RABGAP1L: variants seen among roughly 807,000 people sequenced by gnomAD.
The protein encoded by RABGAP1L is rab GTPase-activating protein 1-like.
In RABGAP1L, 63 loss-of-function variants were observed where a neutral mutation model predicts 137.7. The ratio of observed to expected loss-of-function variants is 0.46; its 90% CI spans 0.37 to 0.56. The LOEUF (loss-of-function observed/expected upper bound fraction) is 0.56. Among genes scored for constraint, RABGAP1L ranks in the 20% least tolerant of loss-of-function variants. The pLI is 0.00. For missense variants in RABGAP1L, 1,095 were observed against 1,244.0 expected (o/e 0.88, Z 1.80); for synonymous variants, 431 against 433.7 (o/e 0.99, Z 0.08).
chr1:174,516,301 A>G (rs1400696797), intron 13 of RABGAP1L, among the ~76,000 whole-genome samples: 2 of 152,128 alleles, frequency 1.3e-5, no homozygotes, highest in Non-Finnish European at 2.9e-5. Context: ...GACTATAGGC[A>G]TATGCCAAAT....
At chr1:174,791,060 A>G (rs868674652) in intron 18 of RABGAP1L, among the ~76,000 whole-genome samples, 1 of 151,916 alleles carries the variant, frequency 6.6e-6, no homozygotes, top group Non-Finnish European at 1.5e-5. Context: ...GCGTGCTGGC[A>G]CGTGCCTGTA....
intron 20 of RABGAP1L, among the ~76,000 whole-genome samples, chr1:174,967,433 G>A (rs1233428863): frequency 6.6e-6 from 1 of 151,216 alleles, no homozygotes; most frequent in Non-Finnish European, 1.5e-5. Flanking sequence ...TGCCTTTCAG[G>A]TTCAAGCAAT....
chr1:174,232,682 T>G (rs930672100), intron 4 of RABGAP1L, among the ~76,000 whole-genome samples: 12 of 150,142 alleles, frequency 8.0e-5, no homozygotes, highest in African/African-American at 2.7e-4. Context: ...ACTCGGGAGG[T>G]TGAGGCAGGA....
intron 25 of RABGAP1L, among the ~76,000 whole-genome samples, chr1:174,989,633 A>C (rs550620142): frequency 7.2e-5 from 11 of 152,288 alleles, no homozygotes; most frequent in Admixed American, 7.2e-4. Flanking sequence ...CTTTTCTTTC[A>C]CTGTTTAAAG....
intron 11 of RABGAP1L, among the ~76,000 whole-genome samples, chr1:174,342,447 A>C (rs1682055771): frequency 6.6e-6 from 1 of 152,144 alleles, no homozygotes; most frequent in Admixed American, 6.5e-5. Flanking sequence ...TTAGTTTTTG[A>C]CTGAGAATAT....
At chr1:174,327,982 C>CATAT (rs1558136090) in intron 11 of RABGAP1L, among the ~76,000 whole-genome samples, 30 of 24,740 alleles carry the variant, frequency 1.2e-3, no homozygotes, top group African/African-American at 4.4e-3. Context: ...TATATATACA[C>CATAT]ACACATATAT....
rs1221093573 is a variant in RABGAP1L at position 174,992,788 on chromosome 1, T to TA, written c.*2788dup. 7.9e-5 allele frequency: 12 copies of TA among 152,348 alleles called. No homozygotes were observed. The East Asian group carries it at 2.3e-3, about 29-fold the overall frequency. The allele number at this position is 152,348 out of a possible 1,614,324, so 9.4% of individuals were successfully genotyped here. On this transcript the variant is annotated 3_prime_UTR_variant, in exon 26 of 26. Coordinates refer to ENST00000681986, the MANE Select transcript of RABGAP1L (RefSeq NM_001366446.1). ...ATGCATCCCAGCATGAAGTAACTCC[T>TA]AGTTTTAATTTTAGTTATTTTGAGA...
intron 12 of RABGAP1L, among the ~76,000 whole-genome samples, chr1:174,384,747 A>G (rs931020364): frequency 1.3e-5 from 2 of 152,210 alleles, no homozygotes; most frequent in African/African-American, 4.8e-5. Flanking sequence ...CTGTTGTTTT[A>G]GAGACATCTC....
At chr1:174,559,758 A>G (rs1232758065) in intron 13 of RABGAP1L, among the ~76,000 whole-genome samples, 1 of 152,248 alleles carries the variant, frequency 6.6e-6, no homozygotes, top group Admixed American at 6.5e-5. Flanking sequence ...ACCTGGGAAC[A>G]ATAATGGGTT....
chr1:174,693,943 C>G (rs990252561), intron 15 of RABGAP1L, among the ~76,000 whole-genome samples: 2 of 152,012 alleles, frequency 1.3e-5, no homozygotes, highest in African/African-American at 4.8e-5. Flanking sequence ...TTCAGTCTGC[C>G]CTTCATGTCT....
intron 5 of RABGAP1L, among the ~76,000 whole-genome samples, chr1:174,247,060 G>C (rs1672327404): frequency 6.6e-6 from 1 of 151,996 alleles, no homozygotes; most frequent in South Asian, 2.1e-4. Context: ...TATCACTCTG[G>C]CTCAGCTCCA....
intron 11 of RABGAP1L, among the ~76,000 whole-genome samples, chr1:174,349,542 C>T (rs1246472097): frequency 3.8e-5 from 5 of 131,578 alleles, no homozygotes; most frequent in East Asian, 2.6e-4. Context: ...CGGGCAGAGG[C>T]GCCCCTCACC....
intron 19 of RABGAP1L, among the ~76,000 whole-genome samples, chr1:174,854,823 T>G (rs937074889): frequency 7.5e-6 from 1 of 133,086 alleles, no homozygotes; most frequent in African/African-American, 2.8e-5. Flanking sequence ...CTGTAACCTC[T>G]GCCCCCAGGA....
intron 19 of RABGAP1L, among the ~76,000 whole-genome samples, chr1:174,844,943 C>T (rs1222346034): frequency 7.7e-6 from 1 of 129,514 alleles, no homozygotes; most frequent in Non-Finnish European, 1.6e-5. Flanking sequence ...TCCTTCACAT[C>T]CCTTGTAAGT....
chr1:174,877,015 A>G (rs958203494), intron 19 of RABGAP1L, among the ~76,000 whole-genome samples: 30 of 152,178 alleles, frequency 2.0e-4, no homozygotes, highest in African/African-American at 6.8e-4. Context: ...GAACACTAAG[A>G]AAATTTACTT....
intron 1 of RABGAP1L, among the ~76,000 whole-genome samples, chr1:174,195,306 T>G (rs1041395247): frequency 6.6e-6 from 1 of 152,228 alleles, no homozygotes; most frequent in Non-Finnish European, 1.5e-5. Context: ...TCTTTGTAGA[T>G]AATCTTTTTT....
intron 10 of RABGAP1L, among the ~76,000 whole-genome samples, chr1:174,301,360 C>T (rs78577514): frequency 0.023 from 3,391 of 149,312 alleles, 59 homozygotes; most frequent in Middle Eastern, 0.093. Flanking sequence ...GTTAACACAC[C>T]GCCATCTGGA....
intron 19 of RABGAP1L, among the ~76,000 whole-genome samples, chr1:174,838,426 T>G (rs1040684574): frequency 3.3e-5 from 5 of 152,194 alleles, no homozygotes; most frequent in African/African-American, 1.2e-4. Flanking sequence ...CTTTACCATC[T>G]TGACCACATC....
intron 10 of RABGAP1L, among the ~76,000 whole-genome samples, chr1:174,294,798 A>G (rs1368990590): frequency 1.3e-5 from 2 of 152,096 alleles, no homozygotes; most frequent in African/African-American, 4.8e-5. Flanking sequence ...GGTTGAGGGA[A>G]AGGAAGAAAG....
Sources: gnomAD v4.1 joint callset for allele counts (sites outside exome capture counted in the v4.1 genomes callset) on GRCh38, gnomAD v4.1.1 for gene constraint, MANE v1.5 for transcripts, NCBI Gene and HGNC (gene_info 2026-07-23, HGNC 2026-07-21) for gene names.